Variants in NTM observed in about 807,000 individuals in gnomAD.
NTM encodes neurotrimin.
A neutral mutation model predicts 42.1 loss-of-function variants in NTM; 13 were observed. The ratio of observed to expected loss-of-function variants is 0.31; its 90% CI spans 0.20 to 0.49. The LOEUF (loss-of-function observed/expected upper bound fraction) is 0.49. Among genes scored for constraint, NTM ranks in the 20% least tolerant of loss-of-function variants. The pLI is 0.99. For synonymous variants in NTM, 187 were observed against 179.2 expected (o/e 1.04, Z -0.35); for missense variants, 373 against 452.8 (o/e 0.82, Z 1.60).
intron 1 of NTM, among the ~76,000 whole-genome samples, chr11:131,546,906 T>C (rs1181472634): frequency 2.0e-5 from 3 of 152,200 alleles, no homozygotes; most frequent in Admixed American, 6.5e-5. Context: ...CCCGCAGGTG[T>C]TCCCCCAGGC....
chr11:131,470,246 C>G (rs1478128145), intron 1 of NTM, among the ~76,000 whole-genome samples: 1 of 152,144 alleles, frequency 6.6e-6, no homozygotes, highest in Admixed American at 6.5e-5. Context: ...CCATATGTAC[C>G]GCTTCCAAGA....
chr11:132,007,871 C>G (rs1233407238), intron 2 of NTM, among the ~76,000 whole-genome samples: 1 of 151,984 alleles, frequency 6.6e-6, no homozygotes, highest in Non-Finnish European at 1.5e-5. Context: ...AATTTTTTGC[C>G]TAGAAATCTC....
At chr11:131,730,719 T>TAAAAAAAAAAA (rs2079541594) in intron 1 of NTM, among the ~76,000 whole-genome samples, 9 of 108,874 alleles carry the variant, frequency 8.3e-5, no homozygotes, top group Admixed American at 1.7e-4. Flanking sequence ...CCCTATCTGT[T>TAAAAAAAAAAA]AAAAGAAGAA....
At chr11:132,019,197 T>C (rs1175320306) in intron 2 of NTM, among the ~76,000 whole-genome samples, 1 of 152,024 alleles carries the variant, frequency 6.6e-6, no homozygotes, top group Non-Finnish European at 1.5e-5. Context: ...TCACTTGTTC[T>C]GTTTGATTTG....
chr11:131,927,816 C>A (rs2058127975), intron 2 of NTM, among the ~76,000 whole-genome samples: 1 of 152,126 alleles, frequency 6.6e-6, no homozygotes, highest in Non-Finnish European at 1.5e-5. Context: ...AGTCAGCTCC[C>A]AATAGCCAGG....
intron 2 of NTM, among the ~76,000 whole-genome samples, chr11:132,114,008 G>A (rs2063560540): frequency 6.6e-6 from 1 of 152,128 alleles, no homozygotes; most frequent in Admixed American, 6.5e-5. Flanking sequence ...TCATCTTGTG[G>A]AAGGATGTTT....
chr11:131,579,170 C>A (rs2058179716), intron 1 of NTM, among the ~76,000 whole-genome samples: 2 of 152,022 alleles, frequency 1.3e-5, no homozygotes, highest in Admixed American at 1.3e-4. Context: ...TCACATGGAC[C>A]CTGCTCTGAG....
Position 132,296,871 on chromosome 11 carries a change from C to T in NTM, c.527-10818C>T, listed in dbSNP as rs116637078. On this transcript the variant is annotated intron_variant, in intron 4 of 8. Coordinates refer to ENST00000683400, the MANE Select transcript of NTM (RefSeq NM_001352005.2). ...AAAGTAAGTGGGCAGAGCCCATGCA[C>T]GTGTTTCCAGCAGGATGATTTGGCC... is the stretch of plus-strand genomic sequence containing the variant. Among the ~76,000 whole-genome samples the T allele has an allele frequency of 1.8e-3, 281 of 152,314 alleles. 1 individual carries two copies. Among genetic ancestry groups the T allele is most frequent in the African/African-American group, 5.7e-3 (235 of 41,574 alleles).
chr11:131,555,117 G>A (rs537261663), intron 1 of NTM, among the ~76,000 whole-genome samples: 24 of 152,250 alleles, frequency 1.6e-4, no homozygotes, highest in South Asian at 1.0e-3. Context: ...AGCTATGGTC[G>A]TGCCACTGCA....
At chr11:131,880,754 G>A (rs575569214) in intron 1 of NTM, among the ~76,000 whole-genome samples, 1 of 151,824 alleles carries the variant, frequency 6.6e-6, no homozygotes, top group African/African-American at 2.4e-5. Context: ...AAATTCCTCT[G>A]GTTCAGTTCC....
intron 1 of NTM, among the ~76,000 whole-genome samples, chr11:131,865,217 G>T (rs1310362399): frequency 6.6e-6 from 1 of 152,188 alleles, no homozygotes; most frequent in Non-Finnish European, 1.5e-5. Flanking sequence ...TGATCACATG[G>T]CTGACAAATG....
intron 1 of NTM, among the ~76,000 whole-genome samples, chr11:131,731,055 A>G (rs1463922393): frequency 6.6e-6 from 1 of 152,152 alleles, no homozygotes; most frequent in African/African-American, 2.4e-5. Flanking sequence ...AAGAATATCG[A>G]ATTGTTTTCT....
At chr11:131,511,703 T>C (rs1231053623) in intron 1 of NTM, among the ~76,000 whole-genome samples, 2 of 152,224 alleles carry the variant, frequency 1.3e-5, no homozygotes, top group Non-Finnish European at 2.9e-5. Context: ...GCAATCACAC[T>C]GTGGCACCTG....
rs1224729714 is a variant in NTM, at chr11:132,307,810, G to A, written c.648G>A (p.Lys216=). The change falls in exon 5 of 9, where the codon AAG becomes AAA. Residue 216 remains lysine, a synonymous_variant. Transcript: ENST00000683400. Reference sequence around the variant, plus strand: ...CCGCGCCCGTGGTACGGAGAGTAAAGGTCACCGTGAACTGTAAGTGTTCTC... The same window carrying A: ...CCGCGCCCGTGGTACGGAGAGTAAAAGTCACCGTGAACTGTAAGTGTTCTC... ...DVAAPVVRRV[K]VTVNYPPYIS... 2 of 1,614,126 alleles carry A rather than the reference G, an allele frequency of 1.2e-6. No homozygotes were observed. The highest frequency in any genetic ancestry group is 1.7e-6 in the Non-Finnish European group (2 of 1,180,022).
At chr11:131,376,742 G>A (rs1436409018) in intron 1 of NTM, among the ~76,000 whole-genome samples, 1 of 151,096 alleles carries the variant, frequency 6.6e-6, no homozygotes, top group Non-Finnish European at 1.5e-5. Context: ...AAGACTGCTG[G>A]TTTTGGCTTT....
chr11:131,917,755 G>A (rs1296743472), intron 2 of NTM, among the ~76,000 whole-genome samples: 3 of 152,328 alleles, frequency 2.0e-5, no homozygotes, highest in South Asian at 2.1e-4. Context: ...CTCAGGACCC[G>A]CCACTGGGCA....
At chr11:132,289,619 G>A (rs1426271377) in intron 4 of NTM, among the ~76,000 whole-genome samples, 1 of 152,082 alleles carries the variant, frequency 6.6e-6, no homozygotes, top group African/African-American at 2.4e-5. Context: ...CCAACTCCAG[G>A]GAAAAGTGGT....
intron 1 of NTM, among the ~76,000 whole-genome samples, chr11:131,807,279 G>T (rs2092546223): frequency 6.6e-6 from 1 of 152,204 alleles, no homozygotes; most frequent in Non-Finnish European, 1.5e-5. Context: ...GCTTTTAAAG[G>T]TTATTTGAAG....
intron 2 of NTM, among the ~76,000 whole-genome samples, chr11:132,046,866 T>C (rs1271800404): frequency 1.3e-5 from 2 of 152,234 alleles, no homozygotes; most frequent in African/African-American, 2.4e-5. Flanking sequence ...ATATCTATCA[T>C]CTATTTATAA....
Sources: allele counts gnomAD v4.1 joint callset (sites outside exome capture counted in the v4.1 genomes callset), GRCh38; gene constraint gnomAD v4.1.1; transcripts MANE v1.5; gene names NCBI Gene and HGNC (gene_info 2026-07-23, HGNC 2026-07-21).